The following SLC6A16 variants were observed in gnomAD, a reference collection of about 807,000 sequenced individuals.
SLC6A16 encodes solute carrier family 6 member 16.
SLC6A16 carries 54 observed loss-of-function variants against 65.4 expected under a neutral mutation model. That is an observed-to-expected ratio of 0.83 (90% CI 0.66 to 1.04). The LOEUF is 1.04. SLC6A16 is among the 50% of genes least tolerant of loss of function. The probability of loss-of-function intolerance (pLI) is 0.00; values close to 1 mark genes in which losing one functional copy is unlikely to be tolerated. For synonymous variants in SLC6A16, 330 were observed against 346.5 expected (o/e 0.95, Z 0.53); for missense variants, 816 against 914.0 (o/e 0.89, Z 1.38).
the SLC6A16 span, chr19:49,339,271 T>C: frequency 2.0e-6 from 3 of 1,494,932 alleles, no homozygotes; most frequent in Non-Finnish European, 1.9e-6. The surrounding 1 kb of genome is among the most constrained non-coding windows in gnomAD (Gnocchi z 4.5). Flanking sequence ...AAAAGAACGC[T>C]GGGCCTGGGC....
At chr19:49,326,235 A>C (rs1008530602), upstream of SLC6A16, among the ~76,000 whole-genome samples, 6 of 152,150 alleles carry the variant, frequency 3.9e-5, no homozygotes, top group African/African-American at 1.4e-4. Flanking sequence ...CATTTTTGCA[A>C]ATCTCTCTAA....
the SLC6A16 span, chr19:49,337,783 C>T: frequency 9.1e-6 from 14 of 1,544,358 alleles, no homozygotes; most frequent in Non-Finnish European, 1.1e-5. Context: ...AAAGACAGAC[C>T]TGAAGTACAC....
chr19:49,332,338 C>G, the SLC6A16 span: 2 of 453,248 alleles, frequency 4.4e-6, no homozygotes, highest in South Asian at 3.1e-5. Flanking sequence ...GGGTGGATCA[C>G]GAGGTCAGGA....
chr19:49,324,132 C>T (rs1160905637), intron 1 of SLC6A16, among the ~76,000 whole-genome samples: 1 of 152,074 alleles, frequency 6.6e-6, no homozygotes, highest in Admixed American at 6.6e-5. Flanking sequence ...GAGCTCGAGA[C>T]CAGCCAGGCC....
At chr19:49,317,666 C>G (rs1372555156) in intron 1 of SLC6A16, among the ~76,000 whole-genome samples, 1 of 151,956 alleles carries the variant, frequency 6.6e-6, no homozygotes, top group Admixed American at 6.6e-5. Context: ...ATTAGCCGGG[C>G]ATGGTGGCGG....
chr19:49,316,119 T>C (rs1487253141), intron 1 of SLC6A16, among the ~76,000 whole-genome samples: 4 of 152,202 alleles, frequency 2.6e-5, no homozygotes, highest in Non-Finnish European at 5.9e-5. Context: ...ATTATTTATA[T>C]GTCTATGCTT....
At chr19:49,337,437 G>A in the SLC6A16 span, among the ~76,000 whole-genome samples, 1 of 151,990 alleles carries the variant, frequency 6.6e-6, no homozygotes, top group Non-Finnish European at 1.5e-5. Flanking sequence ...GACCAGCCTG[G>A]GCAACATAGT....
intron 1 of SLC6A16, among the ~76,000 whole-genome samples, chr19:49,324,749 A>G (rs1232716712): frequency 6.6e-6 from 1 of 152,220 alleles, no homozygotes; most frequent in African/African-American, 2.4e-5. Context: ...GGCACTTGAC[A>G]CTGATGGCTT....
At chr19:49,319,419 A>G (rs894619483) in intron 1 of SLC6A16, among the ~76,000 whole-genome samples, 7 of 146,320 alleles carry the variant, frequency 4.8e-5, no homozygotes, top group Non-Finnish European at 6.0e-5. Flanking sequence ...GTGTATATAT[A>G]TATATTTGTA....
chr19:49,340,321 A>G, the SLC6A16 span: 4 of 1,611,936 alleles, frequency 2.5e-6, no homozygotes, highest in South Asian at 4.4e-5. Context: ...CTCGCTCGAT[A>G]CCGTTAGGCC....
chr19:49,337,197 C>A, the SLC6A16 span: 8 of 1,614,194 alleles, frequency 5.0e-6, no homozygotes, highest in Admixed American at 6.7e-5. Context: ...CCCTGGGAAT[C>A]CTCATCTCCA....
the SLC6A16 span, chr19:49,336,861 C>T: frequency 6.2e-7 from 1 of 1,603,384 alleles, no homozygotes; most frequent in Non-Finnish European, 8.5e-7. Flanking sequence ...ATGGGGCTGC[C>T]TGGAGCTGTG....
At chr19:49,319,411 G>A (rs894679432) in intron 1 of SLC6A16, among the ~76,000 whole-genome samples, 1 of 146,834 alleles carries the variant, frequency 6.8e-6, no homozygotes, top group African/African-American at 2.5e-5. Context: ...ATGTGTGTGT[G>A]TATATATATA....
At chr19:49,338,037 C>T in the SLC6A16 span, 3 of 1,613,400 alleles carry the variant, frequency 1.9e-6, no homozygotes, top group Non-Finnish European at 1.7e-6. The surrounding 1 kb of genome is among the most constrained non-coding windows in gnomAD (Gnocchi z 5.0). Context: ...CAGGTAAGCC[C>T]CCCTCCTCCA....
intron 10 of SLC6A16, among the ~76,000 whole-genome samples, chr19:49,291,462 G>C (rs1970077346): frequency 6.6e-6 from 1 of 152,084 alleles, no homozygotes; most frequent in Non-Finnish European, 1.5e-5. Flanking sequence ...CTCAATGTAA[G>C]TCATTCATAT....
At chr19:49,337,774 AAGAC>A in the SLC6A16 span, 6 of 1,541,302 alleles carry the variant, frequency 3.9e-6, no homozygotes, top group African/African-American at 1.4e-5. Flanking sequence ...AAGAAACAGA[AAGAC>A]AGACCTGAAG....
intron 1 of SLC6A16, among the ~76,000 whole-genome samples, chr19:49,313,422 C>A (rs1196460571): frequency 6.6e-6 from 1 of 152,052 alleles, no homozygotes; most frequent in Non-Finnish European, 1.5e-5. Flanking sequence ...GTCTCAGCCT[C>A]CAGAGTAGGT....
In SLC6A16 at chr19:49,320,322, C is replaced by A. The variant is rs191721346; in HGVS notation, c.-65+4726G>T. On this transcript the variant is annotated intron_variant, in intron 1 of 11. Coordinates refer to ENST00000335875, the MANE Select transcript of SLC6A16 (RefSeq NM_014037.3). ...ACTCAGGAGGCTGAGGCAGGAGAATCGCTTGAACCTAGGAGGCGGAGGTTG... is the reference window on the plus strand; with the variant it reads ...ACTCAGGAGGCTGAGGCAGGAGAATAGCTTGAACCTAGGAGGCGGAGGTTG... 3.2e-3 allele frequency among the ~76,000 whole-genome samples: 481 copies of A among 151,626 alleles called. 2 individuals are homozygous for A. Among genetic ancestry groups the A allele is most frequent in the African/African-American group, 0.011 (467 of 41,338 alleles).
At chr19:49,328,357 C>T (rs918557560), upstream of SLC6A16, among the ~76,000 whole-genome samples, 1 of 152,186 alleles carries the variant, frequency 6.6e-6, no homozygotes, top group African/African-American at 2.4e-5. Flanking sequence ...CTGGGGAAAC[C>T]ACCCCCATGA....
Sources: gnomAD v4.1 joint callset for allele counts (sites outside exome capture counted in the v4.1 genomes callset) on GRCh38, gnomAD v4.1.1 for gene constraint, Gnocchi (gnomAD v3.1) non-coding constraint, MANE v1.5 for transcripts, NCBI Gene and HGNC (gene_info 2026-07-23, HGNC 2026-07-21) for gene names.